Variants in TNIK observed in about 807,000 individuals in gnomAD.
The protein encoded by TNIK is TRAF2 and NCK interacting kinase, also known as TRAF2 and NCK-interacting protein kinase.
A neutral mutation model predicts 191.3 loss-of-function variants in TNIK; 49 were observed. The ratio of observed to expected loss-of-function variants is 0.26; its 90% CI spans 0.20 to 0.32. The LOEUF is 0.32. Among genes scored for constraint, TNIK ranks in the 10% least tolerant of loss-of-function variants. TNIK has a pLI of 1.00. For synonymous variants in TNIK, 594 were observed against 600.9 expected (o/e 0.99, Z 0.17); for missense variants, 1,155 against 1,702.3 (o/e 0.68, Z 5.66).
chr3:171,338,342 G>T (rs192146355), intron 2 of TNIK, among the ~76,000 whole-genome samples: 1 of 152,172 alleles, frequency 6.6e-6, no homozygotes, highest in Non-Finnish European at 1.5e-5. Flanking sequence ...CAGTTTTCTA[G>T]GTTCATGACG....
At position 171,063,859 on chromosome 3, in the gene TNIK, A is replaced by T. The variant is rs1388602319; in HGVS notation, c.*22T>A. On this transcript the variant is annotated 3_prime_UTR_variant, in exon 33 of 33. Transcript: ENST00000436636. Reference sequence around the variant, plus strand: ...TTAAATTAGAAATAACGCCATGAAGATAAGTGCCAAGTGCTCTTCTGTTAC... The same window carrying T: ...TTAAATTAGAAATAACGCCATGAAGTTAAGTGCCAAGTGCTCTTCTGTTAC... 1.2e-6 allele frequency: 2 copies of T among 1,610,052 alleles called. No homozygotes were observed. Among genetic ancestry groups the T allele is most frequent in the Admixed American group, 3.4e-5 (2 of 59,400 alleles).
At chr3:171,133,775 ACT>A (rs1360860544) in intron 15 of TNIK, among the ~76,000 whole-genome samples, 5 of 152,194 alleles carry the variant, frequency 3.3e-5, no homozygotes, top group Non-Finnish European at 7.3e-5. Flanking sequence ...AAAAGAAATC[ACT>A]TAGGTATAGA....
At chr3:171,339,306 A>G (rs947541039) in intron 2 of TNIK, among the ~76,000 whole-genome samples, 4 of 152,210 alleles carry the variant, frequency 2.6e-5, no homozygotes, top group Admixed American at 2.0e-4. Flanking sequence ...CATCCTTGCC[A>G]TGAGTGTGGC....
intron 29 of TNIK, among the ~76,000 whole-genome samples, chr3:171,069,687 C>T (rs531626378): frequency 1.3e-5 from 2 of 152,328 alleles, no homozygotes; most frequent in East Asian, 1.9e-4. Flanking sequence ...ATCCAGAGCC[C>T]AAGCCCCAAC....
At chr3:171,185,360 A>G (rs998215538) in intron 7 of TNIK, among the ~76,000 whole-genome samples, 2 of 152,182 alleles carry the variant, frequency 1.3e-5, no homozygotes, top group African/African-American at 4.8e-5. Flanking sequence ...TCCAACCAAA[A>G]TGAAATTCAA....
At chr3:171,111,974 A>G (rs184927820) in intron 18 of TNIK, among the ~76,000 whole-genome samples, 1 of 152,314 alleles carries the variant, frequency 6.6e-6, no homozygotes. Context: ...GGACAGCATG[A>G]GTAACTTTTG....
rs1162485692 is a variant in TNIK, at chr3:171,403,948, A to G, written c.58-34263T>C. ...CCACACTTGGCTTTCTGTATTGCAC[A>G]CATCTATAGAGAATTAGAGGCAAAG... On this transcript the variant is annotated intron_variant, in intron 1 of 32. Coordinates refer to ENST00000436636, the MANE Select transcript of TNIK (RefSeq NM_015028.4). Among the ~76,000 whole-genome samples the G allele has an allele frequency of 2.0e-5, 3 of 152,230 alleles. No homozygotes were observed. The East Asian group carries it at 5.8e-4, about 29-fold the overall frequency.
At chr3:171,260,586 A>G (rs917425852) in intron 2 of TNIK, among the ~76,000 whole-genome samples, 2 of 152,182 alleles carry the variant, frequency 1.3e-5, no homozygotes, top group Non-Finnish European at 2.9e-5. Flanking sequence ...TCTTTGTACT[A>G]TGAGTTCTGT....
chr3:171,283,441 G>A (rs891860601), intron 2 of TNIK, among the ~76,000 whole-genome samples: 1 of 152,090 alleles, frequency 6.6e-6, no homozygotes. Context: ...ATTCACTTAG[G>A]GGAATTTCAA....
chr3:171,307,940 T>G lies in TNIK; in HGVS notation c.123+61680A>C, dbSNP rs143308915. 3.6e-3 allele frequency among the ~76,000 whole-genome samples: 542 copies of G among 152,272 alleles called. 2 individuals carry two copies. The highest frequency in any genetic ancestry group is 0.012 in the African/African-American group (487 of 41,570). ...CTGCAGCTAATGAAATGTTTATATA[T>G]TCTTGTACTTGAAAAATCTATCACT... On this transcript the variant is annotated intron_variant, in intron 2 of 32. Transcript: ENST00000436636.
chr3:171,134,280 T>C (rs1729685356), intron 15 of TNIK, among the ~76,000 whole-genome samples: 1 of 152,124 alleles, frequency 6.6e-6, no homozygotes. Flanking sequence ...GCCCCCAACC[T>C]GTCTATTTAT....
chr3:171,396,347 C>T (rs971583514), intron 1 of TNIK, among the ~76,000 whole-genome samples: 1 of 152,202 alleles, frequency 6.6e-6, no homozygotes, highest in African/African-American at 2.4e-5. Flanking sequence ...TTTATTCCTC[C>T]ATTCATCAGT....
intron 1 of TNIK, among the ~76,000 whole-genome samples, chr3:171,441,978 T>C (rs983779884): frequency 6.6e-6 from 1 of 152,206 alleles, no homozygotes; most frequent in Non-Finnish European, 1.5e-5. Flanking sequence ...TTTGAAAACA[T>C]GGTTGAAATA....
intron 2 of TNIK, among the ~76,000 whole-genome samples, chr3:171,336,543 T>G (rs1560445530): frequency 6.6e-6 from 1 of 152,198 alleles, no homozygotes; most frequent in African/African-American, 2.4e-5. Flanking sequence ...AGGAAAGGCC[T>G]AACAGTCTAA....
chr3:171,361,732 TG>T (rs1715003602), intron 2 of TNIK, among the ~76,000 whole-genome samples: 1 of 152,178 alleles, frequency 6.6e-6, no homozygotes, highest in Non-Finnish European at 1.5e-5. Context: ...AACAGGAATC[TG>T]CCACCTCCTA....
intron 2 of TNIK, chr3:171,347,179 T>C: frequency 1.3e-6 from 2 of 1,528,308 alleles, no homozygotes; most frequent in Non-Finnish European, 1.7e-6. Context: ...TAGTTGGTTC[T>C]TGGAGTTGTG....
At chr3:171,338,659 G>GTTTTTTTT (rs76315440) in intron 2 of TNIK, among the ~76,000 whole-genome samples, 5 of 126,818 alleles carry the variant, frequency 3.9e-5, no homozygotes, top group Non-Finnish European at 6.8e-5. Context: ...CAGCTAAGTT[G>GTTTTTTTT]TTTTTTTTTT....
chr3:171,075,739 T>C (rs1456409528), intron 28 of TNIK, among the ~76,000 whole-genome samples: 1 of 145,900 alleles, frequency 6.9e-6, no homozygotes, highest in Admixed American at 6.8e-5. Context: ...AAAGCTGCTA[T>C]TTTTTTTTTT....
chr3:171,214,546 T>TC (rs1741235458), intron 3 of TNIK, among the ~76,000 whole-genome samples: 1 of 152,362 alleles, frequency 6.6e-6, no homozygotes, highest in East Asian at 1.9e-4. Context: ...TTTGTAAATG[T>TC]ACTATTTCCA....
Sources: allele counts gnomAD v4.1 joint callset (sites outside exome capture counted in the v4.1 genomes callset), GRCh38; gene constraint gnomAD v4.1.1; transcripts MANE v1.5; gene names NCBI Gene and HGNC (gene_info 2026-07-23, HGNC 2026-07-21).